Variants in MTMR7 observed in about 807,000 individuals in gnomAD.
MTMR7 encodes phosphatidylinositol-3-phosphate phosphatase MTMR7.
Under a neutral mutation model 81.2 loss-of-function variants are expected in MTMR7, and 76 were observed. The ratio of observed to expected loss-of-function variants is 0.94; its 90% CI spans 0.78 to 1.13. The LOEUF (loss-of-function observed/expected upper bound fraction) is 1.13. Among genes scored for constraint, MTMR7 ranks in the 50% most tolerant of loss-of-function variants. The probability of loss-of-function intolerance (pLI) is 0.00; values close to 1 mark genes in which losing one functional copy is unlikely to be tolerated. For synonymous variants in MTMR7, 372 were observed against 289.8 expected (o/e 1.28, Z -2.88); for missense variants, 1,044 against 820.0 (o/e 1.27, Z -3.34).
At chr8:17,370,784 CT>C (rs1279419591) in intron 3 of MTMR7, among the ~76,000 whole-genome samples, 3 of 151,866 alleles carry the variant, frequency 2.0e-5, no homozygotes, top group Admixed American at 6.6e-5. Context: ...GGAAAGCATC[CT>C]ATAACCCCAC....
chr8:17,364,687 CT>C (rs1820171615), intron 3 of MTMR7, among the ~76,000 whole-genome samples: 2 of 152,284 alleles, frequency 1.3e-5, no homozygotes, highest in Admixed American at 6.5e-5. Context: ...TTATGTTTGG[CT>C]TTTTTCACTC....
rs1563316699 is a variant in MTMR7, at chr8:17,305,897, CT to C, written c.1211del (p.Glu404GlyfsTer6). 1 of 1,613,774 alleles carries C rather than the reference CT, an allele frequency of 6.2e-7. No individual in the cohort carries two copies. The highest frequency in any genetic ancestry group is 1.7e-5 in the Admixed American group (1 of 60,016). On this transcript the variant is annotated frameshift_variant, in exon 11 of 14. Transcript: ENST00000180173. LOFTEE classifies it high-confidence loss of function. Reference protein sequence around the residue: ...EISPVIDQFIECVWQLMEQFP... With the variant: ...EISPVIDQFIXCVWQLMEQFP... ...ATTGTTCCATTAACTGCCAAACACA[CT>C]CAATGAACTGGTCAATAACTGGAGA...
At chr8:17,310,593 AG>A (rs1163302115) in intron 9 of MTMR7, among the ~76,000 whole-genome samples, 2 of 152,204 alleles carry the variant, frequency 1.3e-5, no homozygotes, top group African/African-American at 4.8e-5. Context: ...TCAGTCCAGC[AG>A]GGATCTGAAG....
chr8:17,364,929 T>G (rs1563360083), intron 3 of MTMR7, among the ~76,000 whole-genome samples: 2 of 152,250 alleles, frequency 1.3e-5, no homozygotes, highest in South Asian at 4.1e-4. Context: ...CAGTAAGCAC[T>G]CAAAAGTGGG....
chr8:17,311,773 G>A (rs1259292945), intron 8 of MTMR7, 137 bp from the exon 9 acceptor site: 1 of 1,374,646 alleles, frequency 7.3e-7, no homozygotes. Context: ...GTCTGTTTAG[G>A]GCCCCCCCTA....
At chr8:17,407,971 C>T (rs1456117439) in intron 1 of MTMR7, among the ~76,000 whole-genome samples, 2 of 152,098 alleles carry the variant, frequency 1.3e-5, no homozygotes, top group African/African-American at 2.4e-5. Context: ...TATTTGCCCA[C>T]GGTGAAAACA....
Position 17,393,708 on chromosome 8 carries a change from G to C in MTMR7, c.24+19561C>G, listed in dbSNP as rs185669899. 8.4e-4 allele frequency among the ~76,000 whole-genome samples: 128 copies of C among 152,222 alleles called. 1 individual carries two copies. The highest frequency in any genetic ancestry group is 2.7e-3 in the African/African-American group (113 of 41,544). On this transcript the variant is annotated intron_variant, in intron 1 of 13. Transcript: ENST00000180173. ...CACTGGGGCCTGTCAGAGGGGTTGC[G>C]AGGGGAGGGAGAACATCAGAAATAA...
At chr8:17,315,369 G>T (rs1236520472) in intron 7 of MTMR7, among the ~76,000 whole-genome samples, 4 of 151,720 alleles carry the variant, frequency 2.6e-5, no homozygotes, top group Non-Finnish European at 5.9e-5. Context: ...TGGGGCACAA[G>T]AATGTTTAGG....
intron 7 of MTMR7, among the ~76,000 whole-genome samples, chr8:17,318,040 A>T (rs930430989): frequency 1.3e-5 from 2 of 152,122 alleles, no homozygotes; most frequent in Non-Finnish European, 1.5e-5. Flanking sequence ...GCTGGAACTG[A>T]GACTCCCTAC....
chr8:17,302,039 A>C (rs1358360356), intron 13 of MTMR7, 115 bp downstream of exon 13: 1 of 1,391,066 alleles, frequency 7.2e-7, no homozygotes, highest in African/African-American at 1.4e-5. Flanking sequence ...CAGGTGTTCT[A>C]CTGACTAAAA....
intron 6 of MTMR7, among the ~76,000 whole-genome samples, chr8:17,340,823 G>C (rs1484753122): frequency 6.6e-6 from 1 of 151,918 alleles, no homozygotes; most frequent in Non-Finnish European, 1.5e-5. Flanking sequence ...TAGAGTTCAG[G>C]GTTTAACCTT....
At chr8:17,360,201 T>C (rs1160374082) in intron 4 of MTMR7, among the ~76,000 whole-genome samples, 4 of 152,198 alleles carry the variant, frequency 2.6e-5, no homozygotes, top group Non-Finnish European at 5.9e-5. Context: ...ATTTTTGTTA[T>C]ATATGTTTAA....
chr8:17,394,142 C>T (rs1233721431), intron 1 of MTMR7, among the ~76,000 whole-genome samples: 1 of 152,146 alleles, frequency 6.6e-6, no homozygotes, highest in Non-Finnish European at 1.5e-5. Context: ...GTTAGCCTCT[C>T]AACAGATTAA....
chr8:17,353,186 C>T (rs1378024249), intron 4 of MTMR7, among the ~76,000 whole-genome samples: 1 of 152,106 alleles, frequency 6.6e-6, no homozygotes, highest in Admixed American at 6.6e-5. Context: ...ATAAGCCTGT[C>T]ACAAAAAGAA....
chr8:17,348,982 C>G lies in MTMR7; in HGVS notation c.568G>C (p.Val190Leu). ...SKFRSRRRFPVLSYYYKDNHA... is the reference protein window; with the variant it reads ...SKFRSRRRFPLLSYYYKDNHA... Reference sequence around the variant, plus strand: ...TTATCTTTATAATAGTAAGAAAGGACAGGAAATCGCCGTCTACTCCGGAAT... The same window carrying G: ...TTATCTTTATAATAGTAAGAAAGGAGAGGAAATCGCCGTCTACTCCGGAAT... Residue 190 changes from valine to leucine, a missense_variant, in exon 5 of 14, where the codon GTC (valine) becomes CTC (leucine). Physicochemically the swap from Val to Leu is conservative, Grantham distance 32. Coordinates refer to ENST00000180173, the MANE Select transcript of MTMR7 (RefSeq NM_004686.5). 1 of 1,613,620 alleles carries G rather than the reference C, an allele frequency of 6.2e-7. No homozygotes were observed. The highest frequency in any genetic ancestry group is 8.5e-7 in the Non-Finnish European group (1 of 1,179,962).
At chr8:17,347,513 G>T (rs1239106207) in intron 5 of MTMR7, among the ~76,000 whole-genome samples, 3 of 152,138 alleles carry the variant, frequency 2.0e-5, no homozygotes, top group Non-Finnish European at 4.4e-5. Context: ...TGTAGGTGCA[G>T]GCATGTGGAT....
In MTMR7 at chr8:17,361,278, C is replaced by T. The variant is rs1340400366; in HGVS notation, c.311-4G>A. 3.1e-6 allele frequency: 5 copies of T among 1,613,932 alleles called. No individual in the cohort carries two copies. Among genetic ancestry groups the T allele is most frequent in the Non-Finnish European group, 4.2e-6 (5 of 1,179,942 alleles). On this transcript the variant is annotated splice_polypyrimidine_tract_variant and splice_region_variant and intron_variant, in intron 3 of 13. Transcript: ENST00000180173. Reference sequence around the variant, plus strand: ...CAGTATAACTCCTCATATTTCACTGCAAGAAAAGGTAGGATAAAGTTAAAT... The same window carrying T: ...CAGTATAACTCCTCATATTTCACTGTAAGAAAAGGTAGGATAAAGTTAAAT...
rs568787481 is a variant in MTMR7 at position 17,331,572 on chromosome 8, T to G, written c.733-290A>C. On this transcript the variant is annotated intron_variant, in intron 6 of 13. Transcript: ENST00000180173. ...TGTCACTTGCAGTCCCCGTCAGAGA[T>G]GCCAAACTGAATGTGGAATTCTGTG... Among the ~76,000 whole-genome samples the G allele has an allele frequency of 7.7e-4, 118 of 152,320 alleles. 1 individual carries two copies. The highest frequency in any genetic ancestry group is 2.8e-3 in the African/African-American group (115 of 41,576).
At chr8:17,411,303 C>T (rs1170610385) in intron 1 of MTMR7, among the ~76,000 whole-genome samples, 4 of 152,246 alleles carry the variant, frequency 2.6e-5, no homozygotes, top group South Asian at 2.1e-4. Context: ...CATGTTAAGA[C>T]GGCTCTTCTA....
Sources: allele counts gnomAD v4.1 joint callset (sites outside exome capture counted in the v4.1 genomes callset), GRCh38; gene constraint gnomAD v4.1.1; transcripts MANE v1.5; gene names NCBI Gene and HGNC (gene_info 2026-07-23, HGNC 2026-07-21).